CSMD2: variants seen among roughly 807,000 people sequenced by gnomAD.
CSMD2 encodes CUB and Sushi multiple domains 2.
In CSMD2, 130 loss-of-function variants were observed where a neutral mutation model predicts 398.5. The ratio of observed to expected loss-of-function variants is 0.33; its 90% confidence interval spans 0.28 to 0.38. CSMD2 has a LOEUF of 0.38. CSMD2 is among the 10% of genes least tolerant of loss of function. The pLI, the probability that CSMD2 is intolerant of heterozygous loss-of-function variation, is 1.00. For missense variants in CSMD2, 3,829 were observed against 4,764.9 expected (o/e 0.80, Z 5.78); for synonymous variants, 1,828 against 1,908.5 (o/e 0.96, Z 1.10).
intron 15 of CSMD2, among the ~76,000 whole-genome samples, chr1:33,730,469 G>A (rs1301187150): frequency 6.6e-6 from 1 of 152,000 alleles, no homozygotes; most frequent in Admixed American, 6.6e-5. Flanking sequence ...AAACTGATAA[G>A]CAATTTCTAG....
intron 5 of CSMD2, among the ~76,000 whole-genome samples, chr1:33,883,589 CTG>C (rs1209446707): frequency 6.6e-6 from 1 of 152,072 alleles, no homozygotes; most frequent in Non-Finnish European, 1.5e-5. Context: ...GAGTTATAGT[CTG>C]TGAGTGTGAA....
chr1:33,979,758 A>G (rs950738141), intron 3 of CSMD2, among the ~76,000 whole-genome samples: 3 of 152,114 alleles, frequency 2.0e-5, no homozygotes, highest in African/African-American at 4.8e-5. Context: ...TGGATGTCTC[A>G]GACTATGATG....
At chr1:33,746,472 C>T (rs1647399702) in intron 13 of CSMD2, among the ~76,000 whole-genome samples, 1 of 152,154 alleles carries the variant, frequency 6.6e-6, no homozygotes, top group South Asian at 2.1e-4. Flanking sequence ...CCTCTCCCCA[C>T]CTCCATCACT....
At chr1:34,155,457 C>T (rs534346019) in intron 1 of CSMD2, among the ~76,000 whole-genome samples, 1 of 152,306 alleles carries the variant, frequency 6.6e-6, no homozygotes, top group African/African-American at 2.4e-5. Context: ...GCAGTCAACT[C>T]TCCGAGACTG....
At chr1:34,070,590 C>A (rs1049749023) in intron 2 of CSMD2, among the ~76,000 whole-genome samples, 1 of 152,188 alleles carries the variant, frequency 6.6e-6, no homozygotes, top group Admixed American at 6.5e-5. Flanking sequence ...AACAATCAAA[C>A]GGAATTGAGA....
intron 13 of CSMD2, among the ~76,000 whole-genome samples, chr1:33,749,298 G>T (rs1396778458): frequency 6.6e-6 from 1 of 151,388 alleles, no homozygotes; most frequent in Non-Finnish European, 1.5e-5. Context: ...ACAGGGTTTC[G>T]CCGTGTTAGC....
chr1:33,707,695 G>A (rs546537), intron 22 of CSMD2, among the ~76,000 whole-genome samples: 2,754 of 91,500 alleles, frequency 0.03, 27 homozygotes, highest in African/African-American at 0.096. Context: ...GCGCGCGCGC[G>A]CACACACACA....
chr1:34,009,544 C>G (rs952675923), intron 3 of CSMD2, among the ~76,000 whole-genome samples: 3 of 151,944 alleles, frequency 2.0e-5, no homozygotes, highest in African/African-American at 7.3e-5. Context: ...CAGTGATGGT[C>G]CCTCCATGTA....
At chr1:33,628,307 G>GA (rs369826996) in intron 32 of CSMD2, among the ~76,000 whole-genome samples, 26 of 150,660 alleles carry the variant, frequency 1.7e-4, no homozygotes, top group Admixed American at 3.3e-4. Context: ...CGTGAAAGAT[G>GA]AAAAAAAAAT....
chr1:34,082,439 G>A (rs191717448), intron 2 of CSMD2, among the ~76,000 whole-genome samples: 1,898 of 151,108 alleles, frequency 0.013, 30 homozygotes, highest in African/African-American at 0.042. Flanking sequence ...CCTGGCAGCC[G>A]CCCCATCTGA....
chr1:34,066,148 A>G (rs1003073254), intron 2 of CSMD2, among the ~76,000 whole-genome samples: 1 of 152,216 alleles, frequency 6.6e-6, no homozygotes, highest in Non-Finnish European at 1.5e-5. Flanking sequence ...GAGATGTAGC[A>G]TTTCAAGCTG....
At position 33,519,752 on chromosome 1, in the gene CSMD2, C is replaced by G; in HGVS notation, c.10736+60G>C. On this transcript the variant is annotated intron_variant, in intron 69 of 70. Coordinates refer to ENST00000373381, the MANE Select transcript of CSMD2 (RefSeq NM_001281956.2). This position sits in a 1 kb window ranked among gnomAD's most constrained non-coding sequence, Gnocchi z 5.6. Reference sequence around the variant, plus strand: ...AGGCTTAGGGGTCTGGTGCGGGGGGCCCTGGAGGGAGAGAGGGAGGCCTGC... The same window carrying G: ...AGGCTTAGGGGTCTGGTGCGGGGGGGCCTGGAGGGAGAGAGGGAGGCCTGC... 1 of 1,612,488 alleles carries G rather than the reference C, an allele frequency of 6.2e-7. No individual in the cohort carries two copies. Among genetic ancestry groups the G allele is most frequent in the Non-Finnish European group, 8.5e-7 (1 of 1,178,794 alleles).
chr1:33,590,013 C>A (rs1050027202), intron 44 of CSMD2, among the ~76,000 whole-genome samples: 4 of 151,926 alleles, frequency 2.6e-5, no homozygotes, highest in Non-Finnish European at 4.4e-5. Flanking sequence ...GCATACTAAA[C>A]TTTTCCAGGA....
intron 9 of CSMD2, among the ~76,000 whole-genome samples, chr1:33,812,366 C>T (rs1656960579): frequency 6.6e-6 from 1 of 152,226 alleles, no homozygotes; most frequent in African/African-American, 2.4e-5. Flanking sequence ...TTTCTTCTCA[C>T]TGTAGTCCTG....
chr1:33,757,191 A>G (rs570215564), intron 13 of CSMD2, among the ~76,000 whole-genome samples: 1 of 152,242 alleles, frequency 6.6e-6, no homozygotes, highest in African/African-American at 2.4e-5. Context: ...TAGCATTAGG[A>G]GATATACCTA....
chr1:34,086,838 T>A (rs1331760245), intron 2 of CSMD2, among the ~76,000 whole-genome samples: 1 of 152,126 alleles, frequency 6.6e-6, no homozygotes, highest in Non-Finnish European at 1.5e-5. Context: ...CCAAAGTCCC[T>A]GCATGGCCTA....
chr1:34,076,090 T>C (rs1445714071), intron 2 of CSMD2, among the ~76,000 whole-genome samples: 1 of 152,222 alleles, frequency 6.6e-6, no homozygotes. Context: ...TTCAAGGAGA[T>C]GGCTATGAAC....
At chr1:33,594,413 G>T (rs965229873) in intron 44 of CSMD2, among the ~76,000 whole-genome samples, 3 of 152,042 alleles carry the variant, frequency 2.0e-5, no homozygotes, top group African/African-American at 7.2e-5. Flanking sequence ...GTCTGATTTT[G>T]GTTCATTTAA....
At chr1:33,861,486 T>G (rs1247400811) in intron 5 of CSMD2, 1 of 152,206 alleles carries the variant, frequency 6.6e-6, no homozygotes, top group South Asian at 2.1e-4. Context: ...CTAGGGAATA[T>G]TGGACACCTC....
Sources: allele counts gnomAD v4.1 joint callset (sites outside exome capture counted in the v4.1 genomes callset), GRCh38; gene constraint gnomAD v4.1.1; non-coding constraint Gnocchi (gnomAD v3.1); transcripts MANE v1.5; gene names NCBI Gene and HGNC (gene_info 2026-07-23, HGNC 2026-07-21).